The following PCDH15 variants were observed in gnomAD, a reference collection of about 807,000 sequenced individuals.
PCDH15 encodes the protein protocadherin related 15.
A neutral mutation model predicts 178.5 loss-of-function variants in PCDH15; 129 were observed. The observed-to-expected ratio is 0.72, with a 90% CI of 0.63 to 0.84. The LOEUF is 0.84. Ranked by LOEUF, PCDH15 falls within the 40% of genes least tolerant of loss-of-function variation. The pLI is 0.00. For missense variants in PCDH15, 2,230 were observed against 2,099.9 expected, an observed-to-expected ratio of 1.06 and a Z score of -1.21; for synonymous variants, 800 against 732.0, an observed-to-expected ratio of 1.09 and a Z score of -1.50.
chr10:55,288,870 G>GATATATATATATATATATATATATAT (rs143549237), intron 1 of PCDH15, among the ~76,000 whole-genome samples: 8 of 146,246 alleles, frequency 5.5e-5, no homozygotes, highest in African/African-American at 2.0e-4. Flanking sequence ...AATTCTATTA[G>GATATATATATATATATATATATATAT]ATATATATAT....
At chr10:54,236,506 A>T (rs549275150) in intron 9 of PCDH15, among the ~76,000 whole-genome samples, 9 of 152,116 alleles carry the variant, frequency 5.9e-5, no homozygotes, top group Non-Finnish European at 5.9e-5. Flanking sequence ...TTAAAGCTGA[A>T]AGTTGGTGCT....
At chr10:54,964,629 A>G (rs920949820) in intron 2 of PCDH15, among the ~76,000 whole-genome samples, 1 of 152,196 alleles carries the variant, frequency 6.6e-6, no homozygotes, top group African/African-American at 2.4e-5. Flanking sequence ...CACTGTGAAT[A>G]TTCAAAAACC....
intron 2 of PCDH15, among the ~76,000 whole-genome samples, chr10:54,921,143 A>G (rs745364672): frequency 6.6e-6 from 1 of 152,100 alleles, no homozygotes; most frequent in African/African-American, 2.4e-5. Context: ...CATAACCTAG[A>G]AGAGTTAAAT....
At chr10:54,604,689 T>C (rs1484091074) in intron 2 of PCDH15, among the ~76,000 whole-genome samples, 1 of 151,982 alleles carries the variant, frequency 6.6e-6, no homozygotes, top group East Asian at 1.9e-4. Flanking sequence ...GTTTTTATTC[T>C]TTCAGCCAGT....
At chr10:54,778,487 C>CA (rs1226454751) in intron 1 of PCDH15, among the ~76,000 whole-genome samples, 3 of 152,102 alleles carry the variant, frequency 2.0e-5, no homozygotes, top group Non-Finnish European at 2.9e-5. Context: ...AATGAAACCA[C>CA]AAAGTCTGTA....
intron 1 of PCDH15, among the ~76,000 whole-genome samples, chr10:54,725,552 T>C (rs1008731280): frequency 8.7e-6 from 1 of 114,920 alleles, no homozygotes; most frequent in Middle Eastern, 4.5e-3. Flanking sequence ...ATATATATAA[T>C]TATATATATA....
chr10:54,290,789 G>A (rs1304990799), intron 8 of PCDH15, among the ~76,000 whole-genome samples: 3 of 152,158 alleles, frequency 2.0e-5, no homozygotes, highest in Non-Finnish European at 4.4e-5. Context: ...AAGATCAGAA[G>A]AGACAAAGAA....
intron 2 of PCDH15, among the ~76,000 whole-genome samples, chr10:54,997,830 T>C (rs1050303311): frequency 1.3e-5 from 2 of 152,148 alleles, no homozygotes; most frequent in Non-Finnish European, 2.9e-5. Context: ...ATGTGAATGG[T>C]ATTAGTGCTG....
intron 2 of PCDH15, among the ~76,000 whole-genome samples, chr10:54,574,456 G>T (rs1385476287): frequency 1.3e-5 from 2 of 152,042 alleles, no homozygotes; most frequent in Admixed American, 1.3e-4. Flanking sequence ...AAGTCAGGTA[G>T]TGTGATGCCT....
At chr10:54,951,814 A>C (rs536316771) in intron 2 of PCDH15, among the ~76,000 whole-genome samples, 1 of 151,862 alleles carries the variant, frequency 6.6e-6, no homozygotes, top group East Asian at 1.9e-4. Context: ...TATAATTTTG[A>C]GGCATTTGCT....
At chr10:55,189,830 G>T (rs1037457981) in intron 1 of PCDH15, among the ~76,000 whole-genome samples, 1 of 151,832 alleles carries the variant, frequency 6.6e-6, no homozygotes, top group Non-Finnish European at 1.5e-5. Flanking sequence ...GCTGTCACTT[G>T]GTTCAAATAC....
intron 2 of PCDH15, among the ~76,000 whole-genome samples, chr10:54,628,941 C>T (rs1202190758): frequency 6.6e-6 from 1 of 152,078 alleles, no homozygotes; most frequent in South Asian, 2.1e-4. Flanking sequence ...GTGAGCACTT[C>T]TCCTACTTTA....
At chr10:54,842,696 A>G (rs568107410) in intron 3 of PCDH15, among the ~76,000 whole-genome samples, 147 of 151,940 alleles carry the variant, frequency 9.7e-4, no homozygotes, top group African/African-American at 3.4e-3. Context: ...TACAACAGCG[A>G]TTATCTTATT....
At chr10:55,507,477 G>A (rs538721546) in intron 2 of PCDH15, among the ~76,000 whole-genome samples, 8 of 151,592 alleles carry the variant, frequency 5.3e-5, no homozygotes, top group African/African-American at 1.7e-4. Flanking sequence ...TATAATCTAA[G>A]CTATAAAATC....
intron 8 of PCDH15, among the ~76,000 whole-genome samples, chr10:54,273,177 T>G (rs1426571439): frequency 6.6e-6 from 1 of 152,102 alleles, no homozygotes; most frequent in African/African-American, 2.4e-5. Flanking sequence ...TGCATGTAAT[T>G]TATTGTTCAA....
intron 2 of PCDH15, among the ~76,000 whole-genome samples, chr10:55,556,765 C>A (rs1281793454): frequency 6.6e-6 from 1 of 152,124 alleles, no homozygotes; most frequent in Non-Finnish European, 1.5e-5. Flanking sequence ...CGCTTGGACC[C>A]GGGAGGCAAA....
chr10:54,712,146 A>T (rs1341475318), intron 1 of PCDH15, among the ~76,000 whole-genome samples: 2 of 151,940 alleles, frequency 1.3e-5, no homozygotes, highest in Non-Finnish European at 2.9e-5. Context: ...GGTACAATTT[A>T]ATTATCAATT....
intron 2 of PCDH15, among the ~76,000 whole-genome samples, chr10:55,128,539 C>A: frequency 6.6e-6 from 1 of 151,940 alleles, no homozygotes; most frequent in East Asian, 1.9e-4. Flanking sequence ...CTAGGAAGCA[C>A]TTCTCTTTTT....
intron 14 of PCDH15, among the ~76,000 whole-genome samples, chr10:54,138,730 C>G (rs2043110136): frequency 6.6e-6 from 1 of 152,060 alleles, no homozygotes. Flanking sequence ...CTATTCTACC[C>G]AAAATTTTGA....
Sources: gnomAD v4.1 joint callset for allele counts (sites outside exome capture counted in the v4.1 genomes callset) on GRCh38, gnomAD v4.1.1 for gene constraint, MANE v1.5 for transcripts, NCBI Gene and HGNC (gene_info 2026-07-23, HGNC 2026-07-21) for gene names.